Variants in ZNF385D observed in about 807,000 individuals in gnomAD.
ZNF385D encodes the protein zinc finger protein 659.
ZNF385D carries 15 observed loss-of-function variants against 35.8 expected under a neutral mutation model. That is an observed-to-expected ratio of 0.42 (90% CI 0.28 to 0.64). The LOEUF is 0.64. Among genes scored for constraint, ZNF385D ranks in the 30% least tolerant of loss-of-function variants. ZNF385D has a pLI of 0.23. For missense variants in ZNF385D, 474 were observed against 494.6 expected (o/e 0.96, Z 0.39); for synonymous variants, 212 against 186.8 (o/e 1.13, Z -1.10).
At chr3:22,193,691 T>C (rs539340294) in intron 2 of ZNF385D, among the ~76,000 whole-genome samples, 2 of 152,172 alleles carry the variant, frequency 1.3e-5, no homozygotes, top group Admixed American at 6.6e-5. Flanking sequence ...TTCTATTATA[T>C]ATTGGGGCTC....
At chr3:21,937,955 A>C (rs7624913) in intron 3 of ZNF385D, among the ~76,000 whole-genome samples, 28,185 of 152,182 alleles carry the variant, frequency 0.19, 2,797 homozygotes, top group Middle Eastern at 0.23. Flanking sequence ...TCTTTCTTGC[A>C]ACAGTGTCCA....
intron 3 of ZNF385D, among the ~76,000 whole-genome samples, chr3:22,096,331 T>TC (rs888489428): frequency 3.4e-5 from 5 of 148,966 alleles, no homozygotes; most frequent in Non-Finnish European, 6.0e-5. Context: ...TGAAACTATT[T>TC]TTTTAAATAA....
chr3:21,521,134 AAATGTTC>A (rs1452251016), intron 3 of ZNF385D, among the ~76,000 whole-genome samples: 8 of 152,224 alleles, frequency 5.3e-5, no homozygotes, highest in African/African-American at 1.9e-4. Flanking sequence ...ATCATTTCTA[AAATGTTC>A]AATTATTAAT....
At chr3:21,531,017 G>A (rs570766687) in intron 3 of ZNF385D, among the ~76,000 whole-genome samples, 42 of 152,180 alleles carry the variant, frequency 2.8e-4, no homozygotes, top group Admixed American at 9.8e-4. Flanking sequence ...CCAACCACAA[G>A]AGTTAAAGAA....
intron 2 of ZNF385D, among the ~76,000 whole-genome samples, chr3:21,654,551 G>C (rs1490296467): frequency 6.6e-6 from 1 of 151,942 alleles, no homozygotes; most frequent in Non-Finnish European, 1.5e-5. Flanking sequence ...ACATGTAAAT[G>C]GAACCATGAA....
intron 2 of ZNF385D, among the ~76,000 whole-genome samples, chr3:21,614,152 C>T (rs1020780213): frequency 6.6e-6 from 1 of 152,194 alleles, no homozygotes; most frequent in African/African-American, 2.4e-5. Context: ...ATTCATTTCT[C>T]ACAGTTCTGG....
At chr3:21,880,031 A>G (rs1258501071) in intron 3 of ZNF385D, among the ~76,000 whole-genome samples, 1 of 151,974 alleles carries the variant, frequency 6.6e-6, no homozygotes. Flanking sequence ...TATTTTTTAA[A>G]TATGTAAAAA....
At chr3:21,724,477 C>CAAAAAAAAAAAAAAAAAAAAA (rs200803155) in intron 1 of ZNF385D, among the ~76,000 whole-genome samples, 6 of 52,014 alleles carry the variant, frequency 1.2e-4, no homozygotes, top group South Asian at 8.8e-4. Context: ...AATGGAAAGC[C>CAAAAAAAAAAAAAAAAAAAAA]AAAAAAAAAA....
intron 2 of ZNF385D, among the ~76,000 whole-genome samples, chr3:21,618,730 T>A (rs544777344): frequency 6.6e-6 from 1 of 152,040 alleles, no homozygotes; most frequent in Non-Finnish European, 1.5e-5. Flanking sequence ...AGTCTATCAG[T>A]TAAAGAACAA....
At chr3:22,356,803 G>C (rs1182543684) in intron 2 of ZNF385D, among the ~76,000 whole-genome samples, 2 of 151,834 alleles carry the variant, frequency 1.3e-5, no homozygotes, top group Non-Finnish European at 2.9e-5. Context: ...AAGATAGATA[G>C]ATAGCTCTGA....
intron 2 of ZNF385D, among the ~76,000 whole-genome samples, chr3:22,254,271 T>C (rs1700204248): frequency 6.6e-6 from 1 of 151,882 alleles, no homozygotes; most frequent in South Asian, 2.1e-4. Flanking sequence ...AACATAATTA[T>C]GCAAATTAAA....
intron 3 of ZNF385D, among the ~76,000 whole-genome samples, chr3:21,831,925 A>G (rs1431116385): frequency 6.6e-6 from 1 of 152,198 alleles, no homozygotes; most frequent in East Asian, 1.9e-4. Context: ...ATACTTAAAC[A>G]TCTTATGAGA....
At chr3:22,013,290 A>G (rs914642009) in intron 3 of ZNF385D, among the ~76,000 whole-genome samples, 1 of 152,192 alleles carries the variant, frequency 6.6e-6, no homozygotes, top group East Asian at 1.9e-4. Context: ...GTTATTATAC[A>G]TAGTATATAT....
chr3:21,750,758 G>A (rs1337092989), intron 1 of ZNF385D, 137 bp downstream of exon 1: 29 of 1,015,372 alleles, frequency 2.9e-5, no homozygotes, highest in Middle Eastern at 2.1e-4. Flanking sequence ...GGCTGCACCG[G>A]CTTGGTCCTC....
intron 1 of ZNF385D, among the ~76,000 whole-genome samples, chr3:21,693,657 A>G (rs946936027): frequency 6.6e-6 from 1 of 152,126 alleles, no homozygotes; most frequent in South Asian, 2.1e-4. Flanking sequence ...GTCCTTTGTA[A>G]AGTATAACAG....
intron 3 of ZNF385D, among the ~76,000 whole-genome samples, chr3:21,831,934 G>C (rs6770336): frequency 0.027 from 4,168 of 152,236 alleles, 159 homozygotes; most frequent in East Asian, 0.11. Flanking sequence ...CATCTTATGA[G>C]AAATGGGCTA....
chr3:22,265,598 C>G (rs1021158004), intron 2 of ZNF385D, among the ~76,000 whole-genome samples: 1 of 151,906 alleles, frequency 6.6e-6, no homozygotes, highest in Non-Finnish European at 1.5e-5. Flanking sequence ...ATTTTTGTCA[C>G]AGAAGGGAAG....
chr3:21,641,057 C>T (rs2065590656), intron 2 of ZNF385D, among the ~76,000 whole-genome samples: 1 of 152,032 alleles, frequency 6.6e-6, no homozygotes, highest in Non-Finnish European at 1.5e-5. Flanking sequence ...TGTCTGGATG[C>T]CCACCTTTAT....
At chr3:21,992,599 G>C (rs933081999) in intron 3 of ZNF385D, among the ~76,000 whole-genome samples, 2 of 152,138 alleles carry the variant, frequency 1.3e-5, no homozygotes, top group Admixed American at 6.5e-5. Flanking sequence ...TTAATAGTTT[G>C]TGATGAAGAT....
Sources: gnomAD v4.1 joint callset for allele counts (sites outside exome capture counted in the v4.1 genomes callset) on GRCh38, gnomAD v4.1.1 for gene constraint, MANE v1.5 for transcripts, NCBI Gene and HGNC (gene_info 2026-07-23, HGNC 2026-07-21) for gene names.